The following CAMSAP1 variants were observed in gnomAD, a reference collection of about 807,000 sequenced individuals.
CAMSAP1 encodes calmodulin-regulated spectrin-associated protein 1.
CAMSAP1 carries 58 observed loss-of-function variants against 143.5 expected under a neutral mutation model. The ratio of observed to expected loss-of-function variants is 0.40; its 90% confidence interval spans 0.33 to 0.50. The LOEUF (loss-of-function observed/expected upper bound fraction) is 0.50. CAMSAP1 is among the 20% of genes least tolerant of loss of function. CAMSAP1 has a pLI of 0.45. For missense variants in CAMSAP1, 1,969 were observed against 2,115.7 expected (o/e 0.93, Z 1.36); for synonymous variants, 945 against 859.3 (o/e 1.10, Z -1.74).
At chr9:135,888,431 G>A (rs1338426023) in intron 1 of CAMSAP1, among the ~76,000 whole-genome samples, 1 of 152,148 alleles carries the variant, frequency 6.6e-6, no homozygotes, top group Non-Finnish European at 1.5e-5. Flanking sequence ...TGCTACAACT[G>A]TGGCCACTGC....
rs116602529 is a variant in CAMSAP1, at chr9:135,852,178, G to A, written c.809-1717C>T. ...ACCCTGTCCATATCTGCCTTGGGCT[G>A]TGCATCTTTTTCTTACCGATTCTAG... On this transcript the variant is annotated intron_variant, in intron 5 of 16. Transcript: ENST00000389532. Among the ~76,000 whole-genome samples the A allele has an allele frequency of 8.5e-3, 1,288 of 152,292 alleles. 26 individuals are homozygous for A. Among genetic ancestry groups the A allele is most frequent in the African/African-American group, 0.03 (1,227 of 41,552 alleles).
chr9:135,854,845 T>C (rs1167919299), intron 5 of CAMSAP1, among the ~76,000 whole-genome samples: 2 of 152,204 alleles, frequency 1.3e-5, no homozygotes, highest in Non-Finnish European at 2.9e-5. Context: ...CGGGGGTTTG[T>C]TGTACAAATT....
intron 7 of CAMSAP1, among the ~76,000 whole-genome samples, chr9:135,838,191 GTCATCACACA>G (rs1836177025): frequency 9.5e-6 from 1 of 105,028 alleles, no homozygotes; most frequent in Non-Finnish European, 1.9e-5. Flanking sequence ...ACAGACACAC[GTCATCACACA>G]CTTTCCACCC....
intron 1 of CAMSAP1, among the ~76,000 whole-genome samples, chr9:135,903,085 G>C (rs971221991): frequency 1.1e-4 from 16 of 152,174 alleles, no homozygotes; most frequent in African/African-American, 3.9e-4. Flanking sequence ...CCAAGGCCTA[G>C]ATACCTCTGA....
intron 7 of CAMSAP1, chr9:135,836,263 C>T (rs1159163530): frequency 1.0e-6 from 1 of 984,636 alleles, no homozygotes; most frequent in Non-Finnish European, 1.2e-6. Context: ...CCTACCTTTA[C>T]CCATTCCGCA....
At chr9:135,886,548 T>C (rs1250400070) in intron 1 of CAMSAP1, among the ~76,000 whole-genome samples, 1 of 152,248 alleles carries the variant, frequency 6.6e-6, no homozygotes, top group African/African-American at 2.4e-5. Flanking sequence ...TTTCATTCAT[T>C]AGCTCACCAG....
intron 1 of CAMSAP1, among the ~76,000 whole-genome samples, chr9:135,899,193 T>C (rs1838545504): frequency 6.6e-6 from 1 of 152,168 alleles, no homozygotes; most frequent in African/African-American, 2.4e-5. Context: ...GCTGTCTTGA[T>C]TGTGGTTGTG....
intron 1 of CAMSAP1, among the ~76,000 whole-genome samples, chr9:135,884,885 G>A (rs912798620): frequency 6.6e-5 from 10 of 152,348 alleles, no homozygotes; most frequent in Non-Finnish European, 1.3e-4. Flanking sequence ...GTGGGCCCAT[G>A]TTTGTCCAAG....
intron 1 of CAMSAP1, among the ~76,000 whole-genome samples, chr9:135,890,480 A>G (rs768799352): frequency 6.6e-6 from 1 of 152,080 alleles, no homozygotes; most frequent in Non-Finnish European, 1.5e-5. Flanking sequence ...GAGAGGTGGT[A>G]AAGACGGCAG....
chr9:135,850,389 T>C lies in CAMSAP1; in HGVS notation c.881A>G (p.Asn294Ser), dbSNP rs749879730. 7 of 1,612,048 alleles carry C rather than the reference T, an allele frequency of 4.3e-6. No individual in the cohort carries two copies. In the African/African-American group the frequency reaches 6.7e-5, roughly 15 times the overall value. Residue 294 changes from asparagine (N) to serine (S), a missense_variant, in exon 6 of 17, where the codon AAT (asparagine) becomes AGT (serine). Asn to Ser is a conservative substitution (Grantham distance 46). Around this residue, in one of 4 missense-constraint regions of CAMSAP1, gnomAD observed 221 missense variants for 298.2 expected, o/e 0.74. Coordinates refer to ENST00000389532, the MANE Select transcript of CAMSAP1 (RefSeq NM_015447.4). ...ATAAAAACATTTATTAAGATATTCA[T>C]TGGAGAATTCTCTCAGAAGCCGAAT... Reference protein sequence around the residue: ...YNIRLLREFSNEYLNKCFYLT... With the variant: ...YNIRLLREFSSEYLNKCFYLT...
Position 135,831,243 on chromosome 9 carries a change from T to C in CAMSAP1, c.1046-3659A>G, listed in dbSNP as rs575593862. Among the ~76,000 whole-genome samples the C allele has an allele frequency of 9.2e-5, 14 of 152,204 alleles. No homozygotes were observed. The South Asian group carries it at 2.3e-3, about 25-fold the overall frequency. ...TAAACAACACATTCTTAAGCTACCA[T>C]TGAGTAAAAAAGGAAATCAAAAGGG... On this transcript the variant is annotated intron_variant, in intron 7 of 16. Transcript: ENST00000389532.
chr9:135,906,284 T>C (rs532130632), intron 1 of CAMSAP1, among the ~76,000 whole-genome samples: 1 of 152,348 alleles, frequency 6.6e-6, no homozygotes, highest in Non-Finnish European at 1.5e-5. Flanking sequence ...GAAAAGAGGA[T>C]TGCAGAAATA....
chr9:135,855,366 G>A (rs887552884), intron 5 of CAMSAP1, among the ~76,000 whole-genome samples: 16 of 152,248 alleles, frequency 1.1e-4, no homozygotes, highest in Admixed American at 6.5e-4. Context: ...AAGGATAATG[G>A]CTTCCAGCTC....
At chr9:135,825,099 G>A (rs762323666) in intron 8 of CAMSAP1, among the ~76,000 whole-genome samples, 4 of 152,152 alleles carry the variant, frequency 2.6e-5, no homozygotes, top group East Asian at 1.9e-4. Flanking sequence ...CTGACTCCCC[G>A]ATGTGTCTAC....
chr9:135,860,729 T>G (rs967898470), intron 5 of CAMSAP1, among the ~76,000 whole-genome samples: 1 of 152,122 alleles, frequency 6.6e-6, no homozygotes, highest in African/African-American at 2.4e-5. Flanking sequence ...ATGTCCATCA[T>G]TTTAAATATC....
chr9:135,896,594 A>C (rs1838463106), intron 1 of CAMSAP1, among the ~76,000 whole-genome samples: 1 of 152,246 alleles, frequency 6.6e-6, no homozygotes, highest in Non-Finnish European at 1.5e-5. Flanking sequence ...TGAAACATTC[A>C]CTAAAAGAGA....
At chr9:135,857,197 A>G (rs376678885) in intron 5 of CAMSAP1, among the ~76,000 whole-genome samples, 2 of 152,146 alleles carry the variant, frequency 1.3e-5, no homozygotes, top group Admixed American at 6.5e-5. Context: ...TGTCCTTGGG[A>G]CATTTTTCTA....
chr9:135,875,399 TGA>T (rs1837706939), intron 3 of CAMSAP1, among the ~76,000 whole-genome samples: 1 of 151,930 alleles, frequency 6.6e-6, no homozygotes, highest in African/African-American at 2.4e-5. Flanking sequence ...TAAGTAGAGA[TGA>T]GGTTTCACCA....
intron 3 of CAMSAP1, among the ~76,000 whole-genome samples, chr9:135,876,837 C>T (rs1314772050): frequency 3.3e-5 from 5 of 152,016 alleles, no homozygotes; most frequent in Non-Finnish European, 5.9e-5. Context: ...GATGAAACCC[C>T]GTCCCTACTA....
Sources: gnomAD v4.1 joint callset for allele counts (sites outside exome capture counted in the v4.1 genomes callset) on GRCh38, gnomAD v4.1.1 for gene constraint, gnomAD v4.1.1 regional missense constraint, MANE v1.5 for transcripts, NCBI Gene and HGNC (gene_info 2026-07-23, HGNC 2026-07-21) for gene names.